Variants in POLR1D observed in about 807,000 individuals in gnomAD.
POLR1D encodes the protein DNA-directed RNA polymerases I and III subunit RPAC2.
Under a neutral mutation model 10.8 loss-of-function variants are expected in POLR1D, and 8 were observed. The observed-to-expected ratio is 0.74, with a 90% CI of 0.43 to 1.33. The LOEUF is 1.33. Among genes scored for constraint, POLR1D ranks in the 40% most tolerant of loss-of-function variants. The pLI is 0.01. For missense variants in POLR1D, 152 were observed against 161.7 expected, an observed-to-expected ratio of 0.94 and a Z score of 0.32; for synonymous variants, 54 against 57.2, an observed-to-expected ratio of 0.94 and a Z score of 0.25.
At chr13:27,635,058 C>T (rs1229281454) in intron 1 of POLR1D, among the ~76,000 whole-genome samples, 2 of 152,094 alleles carry the variant, frequency 1.3e-5, no homozygotes, top group African/African-American at 2.4e-5. Context: ...GCATATCCTC[C>T]AAGGAGTTCA....
chr13:27,646,587 G>A (rs905595071), intron 1 of POLR1D, among the ~76,000 whole-genome samples: 3 of 152,198 alleles, frequency 2.0e-5, no homozygotes, highest in Admixed American at 1.3e-4. Context: ...GCCTTCCCAA[G>A]AAGGATCAGA....
Position 27,622,917 on chromosome 13 carries a change from G to A in POLR1D, c.69G>A (p.Arg23=). 1 of 1,612,344 alleles carries A rather than the reference G, an allele frequency of 6.2e-7. No homozygotes were observed. The highest frequency in any genetic ancestry group is 1.1e-5 in the South Asian group (1 of 91,056). The change falls in exon 2 of 2, where the codon AGG becomes AGA. Residue 23 remains arginine, a synonymous_variant. Coordinates refer to ENST00000302979, the MANE Select transcript of POLR1D (RefSeq NM_015972.4). ...AGACCTCAATGGCTGAAGGCGAGAG[G>A]AAGACAGCCCTGGAAATGGTCCAGG... is the stretch of plus-strand genomic sequence containing the variant. ...GLKTSMAEGE[R]KTALEMVQAA...
At chr13:27,640,630 T>A (rs1040404219) in intron 1 of POLR1D, among the ~76,000 whole-genome samples, 1 of 152,220 alleles carries the variant, frequency 6.6e-6, no homozygotes, top group Non-Finnish European at 1.5e-5. Context: ...AGTAACATTT[T>A]GCAATCTTAA....
At chr13:27,665,515 T>C (rs1956406931) in intron 2 of POLR1D, 9 of 639,440 alleles carry the variant, frequency 1.4e-5, no homozygotes, top group African/African-American at 3.7e-5. Flanking sequence ...TCTTTTTTTT[T>C]CCTCCCTGGT....
rs1324171710 is a variant in POLR1D at position 27,663,498 on chromosome 13, T to A, written c.102-2188T>A. 6.6e-6 allele frequency among the ~76,000 whole-genome samples: 1 copy of A among 152,360 alleles called. No individual in the cohort carries two copies. The highest frequency in any genetic ancestry group is 1.9e-4 in the East Asian group (1 of 5,188). On this transcript the variant is annotated intron_variant, in intron 2 of 2. Transcript: ENST00000399697. This position sits in a 1 kb window ranked among gnomAD's most constrained non-coding sequence, Gnocchi z 4.1. ...CTCTGGCTAACTCTTTGGGTCACTA[T>A]GTTGAGTCAGTGGGTTACACTAGCA...
In POLR1D at chr13:27,623,319, A is replaced by G; in HGVS notation, c.*69A>G. The G allele has an allele frequency of 3.1e-6, 5 of 1,604,808 alleles. No homozygotes were observed. The highest frequency in any genetic ancestry group is 1.1e-5 in the South Asian group (1 of 89,430). The stretch of plus-strand genomic sequence containing the variant: ...TCTTCCTGATGGTGCAGAACCCAGA[A>G]TTAGAAGTTTGTGGTTACAGCATAC... On this transcript the variant is annotated 3_prime_UTR_variant, in exon 2 of 2. Transcript: ENST00000302979.
At chr13:27,654,996 G>A (rs1476251781) in intron 2 of POLR1D, among the ~76,000 whole-genome samples, 2 of 152,118 alleles carry the variant, frequency 1.3e-5, no homozygotes, top group Admixed American at 6.5e-5. Flanking sequence ...CAGGGTTCAC[G>A]GGTCACATGG....
chr13:27,665,422 T>C (rs1956405875), intron 2 of POLR1D: 1 of 495,374 alleles, frequency 2.0e-6, no homozygotes, highest in Admixed American at 3.3e-5. Flanking sequence ...CCTGTACATA[T>C]GAACTTCAGT....
chr13:27,652,932 TTTTTTG>T (rs1262376060), intron 2 of POLR1D, among the ~76,000 whole-genome samples: 1 of 145,036 alleles, frequency 6.9e-6, no homozygotes, highest in African/African-American at 2.6e-5. Context: ...TTTTTTTTTT[TTTTTTG>T]AGACGGAGTC....
chr13:27,648,341 G>A, intron 1 of POLR1D: 1 of 1,264,534 alleles, frequency 7.9e-7, no homozygotes, highest in Non-Finnish European at 1.2e-6. Context: ...AACTTAGTAG[G>A]GTGACTGCCT....
At chr13:27,646,120 A>G (rs1364291283) in intron 1 of POLR1D, 1 of 152,204 alleles carries the variant, frequency 6.6e-6, no homozygotes, top group Non-Finnish European at 1.5e-5. Context: ...TAACTGATAC[A>G]TATTTTGTTC....
intron 2 of POLR1D, among the ~76,000 whole-genome samples, chr13:27,662,056 CAT>C (rs1491536860): frequency 6.6e-6 from 1 of 152,104 alleles, no homozygotes; most frequent in Non-Finnish European, 1.5e-5. Context: ...TAAAATGTCT[CAT>C]TAACTTTTAA....
At chr13:27,639,518 G>T (rs1326703773) in intron 1 of POLR1D, among the ~76,000 whole-genome samples, 1 of 152,018 alleles carries the variant, frequency 6.6e-6, no homozygotes, top group South Asian at 2.1e-4. Flanking sequence ...ATTTACTCAG[G>T]TTTTATAATA....
At chr13:27,665,420 T>C (rs1258093152) in intron 2 of POLR1D, 13 of 490,864 alleles carry the variant, frequency 2.6e-5, no homozygotes, top group African/African-American at 1.9e-4. Context: ...TACCTGTACA[T>C]ATGAACTTCA....
chr13:27,650,007 C>T (rs1037153679), intron 2 of POLR1D: 47 of 398,198 alleles, frequency 1.2e-4, no homozygotes, highest in African/African-American at 9.1e-4. Flanking sequence ...AGAACTCACA[C>T]AATTAACTGA....
At chr13:27,649,417 C>G (rs1956247728) in intron 2 of POLR1D, among the ~76,000 whole-genome samples, 2 of 152,034 alleles carry the variant, frequency 1.3e-5, no homozygotes, top group South Asian at 4.1e-4. Context: ...TTCAGGTGAT[C>G]TGGAATTTGA....
chr13:27,648,505 G>A, intron 2 of POLR1D: 1 of 1,128,482 alleles, frequency 8.9e-7, no homozygotes, highest in Non-Finnish European at 1.3e-6. Context: ...TTCTTAGCTG[G>A]AGATATAAAT....
At chr13:27,648,000 T>C in intron 1 of POLR1D, 1 of 200,320 alleles carries the variant, frequency 5.0e-6, no homozygotes, top group East Asian at 1.4e-4. Flanking sequence ...TTATCCTTGT[T>C]GAGTTCACTG....
rs1246861000 is a variant in POLR1D at position 27,665,929 on chromosome 13, C to G, written c.345C>G (p.Tyr115Ter). 2 of 1,614,102 alleles carry G rather than the reference C, an allele frequency of 1.2e-6. No homozygotes were observed. The highest frequency in any genetic ancestry group is 2.2e-5 in the East Asian group (1 of 44,894). The stretch of plus-strand genomic sequence containing the variant: ...GAAAGCGGAGCAGCCAGGACAAGTA[C>G]GAAAAGCGGTCCAACCGGCGGTGAG... The change falls in exon 3 of 3, where the codon TAC (tyrosine) becomes TAG (stop). Residue 115 changes from tyrosine (Y) to a stop codon, truncating the protein, a stop_gained. Transcript: ENST00000399697. LOFTEE classifies it high-confidence loss of function.
Sources: allele counts gnomAD v4.1 joint callset (sites outside exome capture counted in the v4.1 genomes callset), GRCh38; gene constraint gnomAD v4.1.1; non-coding constraint Gnocchi (gnomAD v3.1); transcripts MANE v1.5; gene names NCBI Gene and HGNC (gene_info 2026-07-23, HGNC 2026-07-21).